Variants in KLHL26 observed in about 807,000 individuals in gnomAD.
KLHL26 encodes the protein kelch like family member 26.
A neutral mutation model predicts 7.1 loss-of-function variants in KLHL26; 4 were observed. That is an observed-to-expected ratio of 0.56 (90% confidence interval 0.28 to 1.28). KLHL26 has a LOEUF of 1.28. KLHL26 is among the 50% of genes most tolerant of loss of function. The probability of loss-of-function intolerance (pLI) is 0.11; values close to 1 mark genes in which losing one functional copy is unlikely to be tolerated. For missense variants in KLHL26, 896 were observed against 924.6 expected (o/e 0.97, Z 0.40); for synonymous variants, 465 against 414.1 (o/e 1.12, Z -1.49).
chr19:18,659,519 G>A (rs1302581499), intron 1 of KLHL26, among the ~76,000 whole-genome samples: 3 of 152,256 alleles, frequency 2.0e-5, no homozygotes, highest in Non-Finnish European at 4.4e-5. Flanking sequence ...GACTGCGCGC[G>A]TCAGAACCGC....
At chr19:18,657,847 C>T in intron 1 of KLHL26, among the ~76,000 whole-genome samples, 1 of 152,276 alleles carries the variant, frequency 6.6e-6, no homozygotes, top group East Asian at 1.9e-4. Context: ...CCTCAGGGGC[C>T]TCTGAGCTGT....
chr19:18,657,237 C>CT (rs2052344170), intron 1 of KLHL26, among the ~76,000 whole-genome samples: 1 of 151,532 alleles, frequency 6.6e-6, no homozygotes, highest in Non-Finnish European at 1.5e-5. Context: ...GTCTCCCTGT[C>CT]TCTGGGTCTG....
At chr19:18,660,633 C>T (rs1021687313) in intron 1 of KLHL26, among the ~76,000 whole-genome samples, 1 of 152,228 alleles carries the variant, frequency 6.6e-6, no homozygotes, top group East Asian at 1.9e-4. Flanking sequence ...CTCCCTCCTC[C>T]GCCTGCCCAC....
At chr19:18,652,009 C>T (rs2052263325) in intron 1 of KLHL26, among the ~76,000 whole-genome samples, 1 of 152,124 alleles carries the variant, frequency 6.6e-6, no homozygotes, top group Non-Finnish European at 1.5e-5. Context: ...CCCAGCTGGG[C>T]CATGAGGGTG....
At chr19:18,652,589 CA>C (rs5827418) in intron 1 of KLHL26, among the ~76,000 whole-genome samples, 82,092 of 87,640 alleles carry the variant, frequency 0.94, 38,463 homozygotes, top group Middle Eastern at 0.98. Flanking sequence ...GACTCCATCT[CA>C]AAAAAAAAAA....
chr19:18,662,003 C>T (rs781617071), intron 1 of KLHL26, among the ~76,000 whole-genome samples: 44 of 152,172 alleles, frequency 2.9e-4, no homozygotes, highest in Admixed American at 2.5e-3. Flanking sequence ...CCTCAGCCTC[C>T]CAAGTAGCTG....
rs1289550192 is a variant in KLHL26 at position 18,671,269 on chromosome 19, G to C, written c.*2024G>C. 6.6e-6 allele frequency: 1 copy of C among 152,244 alleles called. No homozygotes were observed. The highest frequency in any genetic ancestry group is 1.5e-5 in the Non-Finnish European group (1 of 68,064). 9.4% of individuals were successfully genotyped at this position (152,244 alleles called of 1,614,324 possible). On this transcript the variant is annotated 3_prime_UTR_variant, in exon 3 of 3. Transcript: ENST00000300976. Reference sequence around the variant, plus strand: ...TGGGGTAACACTAGAGGCTGAGGGGGTGGGCAGTGCTAAAATAGGAACATG... The same window carrying C: ...TGGGGTAACACTAGAGGCTGAGGGGCTGGGCAGTGCTAAAATAGGAACATG...
In KLHL26 at chr19:18,668,363, C is replaced by T. The variant is rs753058540; in HGVS notation, c.966C>T (p.Ser322=). Residue 322 remains serine (S), a synonymous_variant, in exon 3 of 3, where the codon AGC becomes AGT. Coordinates refer to ENST00000300976, the MANE Select transcript of KLHL26 (RefSeq NM_018316.3). ...VTFGGTPYTD[S]DRSVSSKVYQ... is the part of the protein sequence containing the mutation. ...TCGGCGGCACGCCCTACACCGACAG[C>T]GACCGCTCGGTCAGCAGCAAGGTCT... 20 of 1,607,216 alleles carry T rather than the reference C, an allele frequency of 1.2e-5. No individual in the cohort carries two copies. Among genetic ancestry groups the T allele is most frequent in the African/African-American group, 5.3e-5 (4 of 74,918 alleles).
rs1443727916 is a variant in KLHL26 at position 18,637,524 on chromosome 19, G to T, written c.83+387G>T. Among the ~76,000 whole-genome samples the T allele has an allele frequency of 7.9e-5, 12 of 152,106 alleles. 1 individual carries two copies. Among genetic ancestry groups the T allele is most frequent in the Non-Finnish European group, 1.8e-4 (12 of 68,016 alleles). ...CAGTCTGAGGGTGGTGAGGTGTCTTGGGGGCTCTGAGGAAGGGGCTAAGGC... is the reference window on the plus strand; with the variant it reads ...CAGTCTGAGGGTGGTGAGGTGTCTTTGGGGCTCTGAGGAAGGGGCTAAGGC... On this transcript the variant is annotated intron_variant, in intron 1 of 2. Transcript: ENST00000300976.
At position 18,638,313 on chromosome 19, in the gene KLHL26, G is replaced by C. The variant is rs79913614; in HGVS notation, c.83+1176G>C. The stretch of plus-strand genomic sequence containing the variant: ...TGTGATTTGGTACTGAATGGAACAC[G>C]CATGGGATGGGTGGGGAAGGGAGGA... On this transcript the variant is annotated intron_variant, in intron 1 of 2. Transcript: ENST00000300976. Among the ~76,000 whole-genome samples, 1,110 of 152,334 alleles carry C rather than the reference G, an allele frequency of 7.3e-3. 13 individuals carry two copies. The highest frequency in any genetic ancestry group is 0.019 in the South Asian group (90 of 4,828).
At position 18,669,117 on chromosome 19, in the gene KLHL26, G is replaced by GTC; in HGVS notation, c.1721_1722dup (p.Thr575SerfsTer28). 6.2e-7 allele frequency: 1 copy of GTC among 1,612,806 alleles called. No individual in the cohort carries two copies. Among genetic ancestry groups the GTC allele is most frequent in the East Asian group, 2.2e-5 (1 of 44,874 alleles). On this transcript the variant is annotated frameshift_variant, in exon 3 of 3. Transcript: ENST00000300976. LOFTEE classifies it high-confidence loss of function. ...GGGCTACAACTGGCGTCTCAACAAC[G>GTC]TCACGGGCATCGTACAGGTGTACAA...
chr19:18,662,738 C>T (rs186109102), intron 1 of KLHL26, among the ~76,000 whole-genome samples: 129 of 152,146 alleles, frequency 8.5e-4, no homozygotes, highest in Non-Finnish European at 2.2e-4. Flanking sequence ...CATGAGCCTG[C>T]GACATGCTCC....
chr19:18,647,621 A>AAGAGGAGGAGGAAG (rs1976828590), intron 1 of KLHL26, among the ~76,000 whole-genome samples: 1 of 150,436 alleles, frequency 6.6e-6, no homozygotes, highest in Admixed American at 6.6e-5. Context: ...AAAGAGGAGG[A>AAGAGGAGGAGGAAG]AGAGGAGGAG....
At chr19:18,637,279 C>T in intron 1 of KLHL26, 142 bp downstream of exon 1, 5 of 888,914 alleles carry the variant, frequency 5.6e-6, no homozygotes, top group Non-Finnish European at 7.4e-6. Context: ...TTTACGGGGC[C>T]GTGGGGTACT....
chr19:18,642,613 C>T (rs186126598), intron 1 of KLHL26, among the ~76,000 whole-genome samples: 156 of 152,154 alleles, frequency 1.0e-3, no homozygotes, highest in Non-Finnish European at 1.8e-3. Context: ...ATCTGCCTGC[C>T]TGGGCCTCCC....
At chr19:18,665,060 GT>G (rs775490262) in intron 2 of KLHL26, among the ~76,000 whole-genome samples, 268 of 136,282 alleles carry the variant, frequency 2.0e-3, no homozygotes, top group African/African-American at 3.8e-3. Context: ...GATCTGTTTT[GT>G]TTTTTTTTTT....
At chr19:18,644,928 C>G (rs530594449) in intron 1 of KLHL26, among the ~76,000 whole-genome samples, 56 of 152,268 alleles carry the variant, frequency 3.7e-4, no homozygotes, top group African/African-American at 1.3e-3. Flanking sequence ...TCCCCCACCC[C>G]CGACCGCCCC....
In KLHL26 at chr19:18,637,069, C is replaced by T; in HGVS notation, c.15C>T (p.Gly5=). 1 of 1,381,510 alleles carries T rather than the reference C, an allele frequency of 7.2e-7. No homozygotes were observed. The highest frequency in any genetic ancestry group is 9.4e-7 in the Non-Finnish European group (1 of 1,066,076). 85.6% of individuals were successfully genotyped at this position (1,381,510 alleles called of 1,614,324 possible). The change falls in exon 1 of 3, where the codon GGC becomes GGT. Residue 5 remains glycine (G), a synonymous_variant. Coordinates refer to ENST00000300976, the MANE Select transcript of KLHL26 (RefSeq NM_018316.3). MAES[G]GSSGGAGGGG... is the part of the protein sequence containing the mutation. ...GCGGGGGGAAGATGGCGGAGTCCGGCGGTAGCAGCGGTGGTGCTGGTGGCG... is the reference window on the plus strand; with the variant it reads ...GCGGGGGGAAGATGGCGGAGTCCGGTGGTAGCAGCGGTGGTGCTGGTGGCG...
intron 1 of KLHL26, among the ~76,000 whole-genome samples, chr19:18,640,170 G>A (rs984317588): frequency 6.6e-6 from 1 of 151,950 alleles, no homozygotes. Flanking sequence ...CTGTGTGGAC[G>A]TATATTTTCA....
Sources: allele counts gnomAD v4.1 joint callset (sites outside exome capture counted in the v4.1 genomes callset), GRCh38; gene constraint gnomAD v4.1.1; transcripts MANE v1.5; gene names NCBI Gene and HGNC (gene_info 2026-07-23, HGNC 2026-07-21).